GALNT10: variants seen among roughly 807,000 people sequenced by gnomAD.
The protein encoded by GALNT10 is polypeptide N-acetylgalactosaminyltransferase 10, also known as GalNAc transferase 10.
GALNT10 carries 41 observed loss-of-function variants against 75.0 expected under a neutral mutation model. The ratio of observed to expected loss-of-function variants is 0.55; its 90% CI spans 0.43 to 0.71. The LOEUF (loss-of-function observed/expected upper bound fraction) is 0.71, where lower values mean the gene tolerates loss of function less well. Ranked by LOEUF, GALNT10 falls within the 30% of genes least tolerant of loss-of-function variation. The pLI is 0.00. For missense variants in GALNT10, 727 were observed against 818.5 expected (o/e 0.89, Z 1.36); for synonymous variants, 302 against 313.0 (o/e 0.96, Z 0.37).
intron 3 of GALNT10, among the ~76,000 whole-genome samples, chr5:154,322,207 G>A (rs1053856569): frequency 5.9e-5 from 9 of 152,084 alleles, no homozygotes; most frequent in Non-Finnish European, 1.3e-4. Flanking sequence ...GGCTCTAGGG[G>A]AACGTTGCTT....
chr5:154,376,536 G>T lies in GALNT10; in HGVS notation c.754+74G>T. 9.0e-7 allele frequency: 1 copy of T among 1,106,864 alleles called. No individual in the cohort carries two copies. The highest frequency in any genetic ancestry group is 1.3e-6 in the Non-Finnish European group (1 of 773,670). 68.6% of individuals were successfully genotyped at this position (1,106,864 alleles called of 1,614,324 possible). The stretch of plus-strand genomic sequence containing the variant: ...TGCCAGTGGCCCCCTCCTGCTGCAG[G>T]GAGCCATCCATAAGCCTTCCCTTGC... On this transcript the variant is annotated intron_variant, in intron 5 of 11. Coordinates refer to ENST00000297107, the MANE Select transcript of GALNT10 (RefSeq NM_198321.4). This position sits in a 1 kb window ranked among gnomAD's most constrained non-coding sequence, Gnocchi z 4.1.
At chr5:154,192,728 A>G (rs1774878475) in intron 1 of GALNT10, among the ~76,000 whole-genome samples, 1 of 152,206 alleles carries the variant, frequency 6.6e-6, no homozygotes, top group African/African-American at 2.4e-5. Context: ...CATACTGGAC[A>G]CAGCTCCAGG....
At chr5:154,383,262 A>G (rs1755759865) in intron 6 of GALNT10, among the ~76,000 whole-genome samples, 1 of 152,192 alleles carries the variant, frequency 6.6e-6, no homozygotes. Flanking sequence ...ACTTGATGGT[A>G]GAGTGCCCAG....
chr5:154,334,728 A>C (rs966343604), intron 4 of GALNT10, among the ~76,000 whole-genome samples: 2 of 152,230 alleles, frequency 1.3e-5, no homozygotes, highest in African/African-American at 4.8e-5. Context: ...TCTACAAACA[A>C]ACACATGTAG....
Position 154,218,473 on chromosome 5 carries a change from G to C in GALNT10, c.159+27448G>C, listed in dbSNP as rs527304899. Among the ~76,000 whole-genome samples, 63 of 152,246 alleles carry C rather than the reference G, an allele frequency of 4.1e-4. 1 individual carries two copies. In the South Asian group the frequency reaches 0.011, roughly 28 times the overall value. ...CTTGGTTTCCTCTTCTCTAGAATGGGAATATTCATTTCACAGGCATAATGA... is the reference window on the plus strand; with the variant it reads ...CTTGGTTTCCTCTTCTCTAGAATGGCAATATTCATTTCACAGGCATAATGA... On this transcript the variant is annotated intron_variant, in intron 1 of 11. Transcript: ENST00000297107.
intron 7 of GALNT10, chr5:154,387,866 TG>T (rs1318284014): frequency 7.9e-5 from 12 of 151,522 alleles, no homozygotes; most frequent in Admixed American, 5.3e-4. Flanking sequence ...TATTTAGGTT[TG>T]AAAAGCAGTT....
chr5:154,223,649 G>A (rs1346941826), intron 1 of GALNT10, among the ~76,000 whole-genome samples: 1 of 152,222 alleles, frequency 6.6e-6, no homozygotes, highest in Non-Finnish European at 1.5e-5. Flanking sequence ...GCCGGGTGCA[G>A]TGGCTCACAC....
intron 1 of GALNT10, among the ~76,000 whole-genome samples, chr5:154,197,102 C>T (rs534469798): frequency 2.0e-5 from 3 of 152,148 alleles, no homozygotes; most frequent in Admixed American, 2.0e-4. Context: ...AGATGATTAG[C>T]TGTGTGGACC....
chr5:154,380,620 C>T lies in GALNT10; in HGVS notation c.927C>T (p.Ser309=), dbSNP rs149317275. Residue 309 remains serine (S), a synonymous_variant, in exon 6 of 12, where the codon AGC becomes AGT. Coordinates refer to ENST00000297107, the MANE Select transcript of GALNT10 (RefSeq NM_198321.4). Reference sequence around the variant, plus strand: ...CAGAACTGCAGAAAGCTGACCCCAGCGACCCATTTGAGTAAGTATGAACAA... The same window carrying T: ...CAGAACTGCAGAAAGCTGACCCCAGTGACCCATTTGAGTAAGTATGAACAA... ...IPPELQKADP[S]DPFESPVMAG... 5.4e-5 allele frequency: 87 copies of T among 1,611,042 alleles called. No individual in the cohort carries two copies. The highest frequency in any genetic ancestry group is 4.4e-4 in the African/African-American group (33 of 74,830).
intron 1 of GALNT10, among the ~76,000 whole-genome samples, chr5:154,252,542 A>G (rs1418748704): frequency 6.6e-6 from 1 of 151,840 alleles, no homozygotes; most frequent in Admixed American, 6.6e-5. Flanking sequence ...CTATCTGGTG[A>G]TAATCTATTT....
chr5:154,203,829 A>G (rs963179486), intron 1 of GALNT10, among the ~76,000 whole-genome samples: 3 of 152,202 alleles, frequency 2.0e-5, no homozygotes, highest in South Asian at 2.1e-4. Context: ...GAAAAGTTCC[A>G]TTCCCAAACT....
chr5:154,202,448 G>A (rs1266435143), intron 1 of GALNT10, among the ~76,000 whole-genome samples: 3 of 152,210 alleles, frequency 2.0e-5, no homozygotes, highest in Non-Finnish European at 4.4e-5. Context: ...GCTATGCACT[G>A]TGCCCATCTC....
At chr5:154,370,308 G>C (rs1322324126) in intron 4 of GALNT10, among the ~76,000 whole-genome samples, 4 of 152,232 alleles carry the variant, frequency 2.6e-5, no homozygotes, top group African/African-American at 9.6e-5. Flanking sequence ...CATAAGCTTA[G>C]GGTTGAGTGA....
At chr5:154,301,770 C>G (rs918372663) in intron 3 of GALNT10, among the ~76,000 whole-genome samples, 4 of 152,138 alleles carry the variant, frequency 2.6e-5, no homozygotes, top group African/African-American at 9.7e-5. Context: ...GTATTATGAG[C>G]ATTGCTCTGA....
At chr5:154,290,118 G>A (rs186130884) in intron 1 of GALNT10, among the ~76,000 whole-genome samples, 2 of 148,664 alleles carry the variant, frequency 1.3e-5, no homozygotes, top group South Asian at 4.3e-4. Flanking sequence ...TTGAGACGGA[G>A]TCTCACTCTG....
intron 4 of GALNT10, among the ~76,000 whole-genome samples, chr5:154,368,041 T>C (rs1435097449): frequency 2.0e-5 from 3 of 152,268 alleles, no homozygotes; most frequent in Non-Finnish European, 4.4e-5. Context: ...ACCAGTGATC[T>C]GATCCTCAAA....
intron 3 of GALNT10, among the ~76,000 whole-genome samples, chr5:154,321,889 A>G (rs1754681496): frequency 6.6e-6 from 1 of 152,182 alleles, no homozygotes. Context: ...AGTGTTGCCC[A>G]AGTTTAAGAA....
chr5:154,279,758 A>G (rs953980448), intron 1 of GALNT10, among the ~76,000 whole-genome samples: 5 of 149,728 alleles, frequency 3.3e-5, no homozygotes. Context: ...TTTTTTTTTT[A>G]TTTTGTTTTT....
At chr5:154,293,086 A>G (rs1434825720) in intron 1 of GALNT10, among the ~76,000 whole-genome samples, 1 of 152,174 alleles carries the variant, frequency 6.6e-6, no homozygotes, top group African/African-American at 2.4e-5. Context: ...TGTTATTATT[A>G]CTAGAGCTGT....
Sources: allele counts gnomAD v4.1 joint callset (sites outside exome capture counted in the v4.1 genomes callset), GRCh38; gene constraint gnomAD v4.1.1; non-coding constraint Gnocchi (gnomAD v3.1); transcripts MANE v1.5; gene names NCBI Gene and HGNC (gene_info 2026-07-23, HGNC 2026-07-21).